The following RIT2 variants were observed in gnomAD, a reference collection of about 807,000 sequenced individuals.
RIT2 encodes GTP-binding protein Rit2.
Under a neutral mutation model 23.7 loss-of-function variants are expected in RIT2, and 24 were observed. The observed-to-expected ratio is 1.01, with a 90% confidence interval of 0.73 to 1.43. RIT2 has a LOEUF of 1.43. Ranked by LOEUF, RIT2 falls within the 40% of genes most tolerant of loss-of-function variation. RIT2 has a pLI of 0.00. For synonymous variants in RIT2, 107 were observed against 91.1 expected (o/e 1.17, Z -0.99); for missense variants, 236 against 266.9 (o/e 0.88, Z 0.81).
chr18:42,998,313 A>C (rs1911032019), intron 2 of RIT2, among the ~76,000 whole-genome samples: 1 of 152,152 alleles, frequency 6.6e-6, no homozygotes. Context: ...ACTACAAATC[A>C]GTTTACCACA....
At chr18:42,827,194 G>A (rs1213710558) in intron 4 of RIT2, among the ~76,000 whole-genome samples, 1 of 152,152 alleles carries the variant, frequency 6.6e-6, no homozygotes, top group Non-Finnish European at 1.5e-5. Flanking sequence ...ATGCTGACCA[G>A]CATAAGACTG....
At chr18:42,979,595 G>A (rs556177709) in intron 2 of RIT2, among the ~76,000 whole-genome samples, 1 of 152,234 alleles carries the variant, frequency 6.6e-6, no homozygotes, top group South Asian at 2.1e-4. Flanking sequence ...GTACATATGT[G>A]TGTCTGTGTG....
intron 2 of RIT2, among the ~76,000 whole-genome samples, chr18:43,004,899 G>A (rs1386894015): frequency 6.6e-6 from 1 of 151,838 alleles, no homozygotes; most frequent in East Asian, 1.9e-4. Flanking sequence ...TATCTTCACA[G>A]CATTGATCAC....
chr18:42,860,732 T>C (rs568752716), intron 4 of RIT2, among the ~76,000 whole-genome samples: 3 of 152,292 alleles, frequency 2.0e-5, no homozygotes, highest in East Asian at 3.9e-4. Flanking sequence ...CCCTGGTTTT[T>C]ATGCATTCTT....
chr18:42,811,974 A>T (rs1414913152), intron 4 of RIT2, among the ~76,000 whole-genome samples: 1 of 152,162 alleles, frequency 6.6e-6, no homozygotes, highest in South Asian at 2.1e-4. Flanking sequence ...TATGAAAGTC[A>T]TGGGGCTACG....
At chr18:42,908,353 G>C (rs1435309498) in intron 4 of RIT2, among the ~76,000 whole-genome samples, 1 of 152,090 alleles carries the variant, frequency 6.6e-6, no homozygotes, top group Non-Finnish European at 1.5e-5. Context: ...ATGAAGAAGA[G>C]AAATGGAGAG....
intron 2 of RIT2, among the ~76,000 whole-genome samples, chr18:42,975,590 C>T (rs2144206318): frequency 6.6e-6 from 1 of 152,048 alleles, no homozygotes; most frequent in African/African-American, 2.4e-5. Flanking sequence ...AGGTTAAGGC[C>T]AAATTTTAAT....
intron 2 of RIT2, among the ~76,000 whole-genome samples, chr18:43,003,741 C>T (rs73951790): frequency 0.12 from 17,983 of 144,046 alleles, 1,209 homozygotes; most frequent in African/African-American, 0.15. Context: ...TCTATCATTA[C>T]TTTTTTTTTC....
At chr18:42,751,063 G>GA (rs1191545415) in intron 4 of RIT2, among the ~76,000 whole-genome samples, 3 of 151,814 alleles carry the variant, frequency 2.0e-5, no homozygotes, top group African/African-American at 7.2e-5. Context: ...CAATGCAATA[G>GA]AGAACCTGGA....
intron 4 of RIT2, among the ~76,000 whole-genome samples, chr18:42,865,220 CTGAT>C (rs1907437724): frequency 6.6e-6 from 1 of 152,160 alleles, no homozygotes; most frequent in African/African-American, 2.4e-5. Flanking sequence ...GTTTTGATGA[CTGAT>C]TGTGCATAGC....
chr18:42,753,955 C>A (rs1913104871), intron 4 of RIT2, among the ~76,000 whole-genome samples: 1 of 152,192 alleles, frequency 6.6e-6, no homozygotes, highest in African/African-American at 2.4e-5. Flanking sequence ...AAGCAAAGCA[C>A]TGGCAAGATG....
chr18:42,930,680 T>C (rs1478011869), intron 3 of RIT2, among the ~76,000 whole-genome samples: 1 of 152,176 alleles, frequency 6.6e-6, no homozygotes, highest in Non-Finnish European at 1.5e-5. Context: ...AGAGTTCTAC[T>C]TGTCTAGTGA....
intron 3 of RIT2, among the ~76,000 whole-genome samples, chr18:42,965,218 G>A (rs945987335): frequency 2.6e-5 from 4 of 152,182 alleles, no homozygotes; most frequent in Non-Finnish European, 4.4e-5. Flanking sequence ...TAGAATGTTA[G>A]AGCACAAAAT....
intron 4 of RIT2, among the ~76,000 whole-genome samples, chr18:42,793,071 AT>A (rs1914078679): frequency 6.6e-6 from 1 of 151,868 alleles, no homozygotes; most frequent in Admixed American, 6.6e-5. Flanking sequence ...CAAAAAAAAA[AT>A]GTGTGTTTCA....
At chr18:42,947,028 A>G (rs1909744543) in intron 3 of RIT2, among the ~76,000 whole-genome samples, 2 of 152,134 alleles carry the variant, frequency 1.3e-5, no homozygotes, top group Non-Finnish European at 2.9e-5. Flanking sequence ...TTCTTTTTAC[A>G]TAACTTAGAT....
chr18:43,012,602 T>C (rs1911375593), intron 2 of RIT2, among the ~76,000 whole-genome samples: 1 of 151,644 alleles, frequency 6.6e-6, no homozygotes, highest in Non-Finnish European at 1.5e-5. Context: ...GGTTTTTCTT[T>C]TCATACTCTA....
chr18:43,001,880 A>C (rs1286041048), intron 2 of RIT2, among the ~76,000 whole-genome samples: 1 of 152,000 alleles, frequency 6.6e-6, no homozygotes, highest in Non-Finnish European at 1.5e-5. Flanking sequence ...CTCCTCTCTC[A>C]GCTGGAGTAG....
rs1911764136 is a variant in RIT2 at position 43,027,624 on chromosome 18, G to A, written c.160+6187C>T. Among the ~76,000 whole-genome samples, 5 of 151,962 alleles carry A rather than the reference G, an allele frequency of 3.3e-5. 1 individual carries two copies. In the South Asian group the frequency reaches 1.0e-3, roughly 32 times the overall value. ...TTGTCTAAGTAAAGTAGAAAGCAAG[G>A]TCATCAGTGAAGATGTGAAGATAGG... On this transcript the variant is annotated intron_variant, in intron 2 of 4. Coordinates refer to ENST00000326695, the MANE Select transcript of RIT2 (RefSeq NM_002930.4).
chr18:43,034,798 T>C (rs1911938474), intron 1 of RIT2, among the ~76,000 whole-genome samples: 1 of 152,196 alleles, frequency 6.6e-6, no homozygotes, highest in African/African-American at 2.4e-5. Flanking sequence ...TCTGATCCTC[T>C]GTCCTACCTT....
Sources: allele counts gnomAD v4.1 joint callset (sites outside exome capture counted in the v4.1 genomes callset), GRCh38; gene constraint gnomAD v4.1.1; transcripts MANE v1.5; gene names NCBI Gene and HGNC (gene_info 2026-07-23, HGNC 2026-07-21).